LUZP2: variants seen among roughly 807,000 people sequenced by gnomAD.
The protein encoded by LUZP2 is leucine zipper protein 2.
LUZP2 carries 52 observed loss-of-function variants against 51.6 expected under a neutral mutation model. That is an observed-to-expected ratio of 1.01 (90% CI 0.81 to 1.27). The LOEUF (loss-of-function observed/expected upper bound fraction) is 1.27. Among genes scored for constraint, LUZP2 ranks in the 50% most tolerant of loss-of-function variants. The pLI is 0.00. For synonymous variants in LUZP2, 154 were observed against 137.3 expected, an observed-to-expected ratio of 1.12 and a Z score of -0.85; for missense variants, 436 against 395.4, an observed-to-expected ratio of 1.10 and a Z score of -0.87.
At chr11:24,546,654 T>C (rs1851553516) in intron 1 of LUZP2, among the ~76,000 whole-genome samples, 1 of 152,058 alleles carries the variant, frequency 6.6e-6, no homozygotes, top group African/African-American at 2.4e-5. Context: ...GCTTTTGATA[T>C]GTTGCTGGAT....
At chr11:25,069,484 T>C (rs947573683) in intron 10 of LUZP2, among the ~76,000 whole-genome samples, 1 of 151,910 alleles carries the variant, frequency 6.6e-6, no homozygotes, top group African/African-American at 2.4e-5. Context: ...TTTTCAATTT[T>C]CAAACCCCAG....
chr11:25,036,552 G>T (rs1857868780), intron 9 of LUZP2, among the ~76,000 whole-genome samples: 1 of 151,386 alleles, frequency 6.6e-6, no homozygotes, highest in Non-Finnish European at 1.5e-5. Flanking sequence ...ATTCCTTTAG[G>T]TGCAAAGTTA....
chr11:24,812,473 A>G (rs1850050417), intron 5 of LUZP2, among the ~76,000 whole-genome samples: 1 of 152,220 alleles, frequency 6.6e-6, no homozygotes, highest in Non-Finnish European at 1.5e-5. Context: ...TGCTGTACAC[A>G]TAAAGAACTG....
At chr11:24,997,071 A>G (rs1856525412) in intron 9 of LUZP2, among the ~76,000 whole-genome samples, 3 of 150,400 alleles carry the variant, frequency 2.0e-5, no homozygotes, top group South Asian at 2.2e-4. Flanking sequence ...TAGTGCCACA[A>G]TAAACATACG....
chr11:24,677,182 T>C (rs1332970061), intron 1 of LUZP2, among the ~76,000 whole-genome samples: 1 of 152,228 alleles, frequency 6.6e-6, no homozygotes, highest in East Asian at 1.9e-4. Context: ...CCTGGCACTA[T>C]TGTAACAGCC....
At chr11:24,924,054 C>A (rs1024753528) in intron 7 of LUZP2, among the ~76,000 whole-genome samples, 8 of 151,798 alleles carry the variant, frequency 5.3e-5, no homozygotes, top group African/African-American at 1.9e-4. Context: ...GCTTGCCCCC[C>A]CACACCCAGC....
At chr11:24,705,071 G>A (rs995823032) in intron 1 of LUZP2, among the ~76,000 whole-genome samples, 6 of 151,942 alleles carry the variant, frequency 3.9e-5, no homozygotes, top group South Asian at 2.1e-4. Flanking sequence ...AGACTCTTTT[G>A]GGGTATTTTT....
At chr11:24,620,188 G>A (rs1268640258) in intron 1 of LUZP2, among the ~76,000 whole-genome samples, 1 of 152,094 alleles carries the variant, frequency 6.6e-6, no homozygotes, top group Admixed American at 6.6e-5. Flanking sequence ...AATTTTTTAA[G>A]ATGAGAATTT....
At chr11:25,028,893 A>T (rs1565251297) in intron 9 of LUZP2, among the ~76,000 whole-genome samples, 1 of 152,194 alleles carries the variant, frequency 6.6e-6, no homozygotes, top group Non-Finnish European at 1.5e-5. Context: ...ATTTGGAAAC[A>T]AACTATACTA....
chr11:24,774,362 C>CTCTCTCTCTCTCTCTCTA lies in LUZP2; in HGVS notation c.396+11055_396+11056insCTCTCTCTCTCTCTCTAT, dbSNP rs776739280. ...TCTCTCTCTCTCTCTCTCTCTCTCT[C>CTCTCTCTCTCTCTCTCTA]TATATATATATATATATATACATAC... On this transcript the variant is annotated intron_variant, in intron 5 of 11. Transcript: ENST00000336930. Among the ~76,000 whole-genome samples, 201 of 76,280 alleles carry CTCTCTCTCTCTCTCTCTA rather than the reference C, an allele frequency of 2.6e-3. 2 individuals carry two copies. The highest frequency in any genetic ancestry group is 6.6e-3 in the South Asian group (14 of 2,120). 50.0% of individuals were successfully genotyped at this position (76,280 alleles called of 152,430 possible). A position where few individuals can be genotyped will look rare whatever the true frequency, so the allele number is the denominator to read the frequency against.
chr11:24,857,461 T>TG (rs1851605747), intron 5 of LUZP2, among the ~76,000 whole-genome samples: 1 of 151,738 alleles, frequency 6.6e-6, no homozygotes, highest in Admixed American at 6.6e-5. Flanking sequence ...AATTTAATTC[T>TG]GTATAAATTC....
At chr11:24,935,475 A>G (rs1050455200) in intron 7 of LUZP2, among the ~76,000 whole-genome samples, 3 of 152,210 alleles carry the variant, frequency 2.0e-5, no homozygotes, top group Non-Finnish European at 2.9e-5. Context: ...AGTACAACAC[A>G]TAATTCTGAT....
intron 1 of LUZP2, among the ~76,000 whole-genome samples, chr11:24,497,958 A>G (rs1049908073): frequency 1.3e-5 from 2 of 152,226 alleles, no homozygotes; most frequent in African/African-American, 2.4e-5. Flanking sequence ...GTCAGAAACA[A>G]TTAAGTACTG....
chr11:24,988,030 T>C (rs1199735087), intron 9 of LUZP2, among the ~76,000 whole-genome samples: 1 of 152,010 alleles, frequency 6.6e-6, no homozygotes, highest in Non-Finnish European at 1.5e-5. Flanking sequence ...AGTAAGATCC[T>C]TATTTTAGAA....
chr11:24,759,154 G>T (rs1449443151), intron 4 of LUZP2, among the ~76,000 whole-genome samples: 1 of 152,042 alleles, frequency 6.6e-6, no homozygotes, highest in Non-Finnish European at 1.5e-5. Context: ...AATGATTATT[G>T]AATGCATTTC....
At chr11:24,693,759 G>A (rs4500487) in intron 1 of LUZP2, among the ~76,000 whole-genome samples, 33,744 of 151,816 alleles carry the variant, frequency 0.22, 3,789 homozygotes, top group East Asian at 0.32. Flanking sequence ...CATTATGCCT[G>A]TAAAATGGGA....
intron 1 of LUZP2, among the ~76,000 whole-genome samples, chr11:24,565,652 AT>A (rs1590186570): frequency 6.6e-6 from 1 of 152,188 alleles, no homozygotes; most frequent in Admixed American, 6.5e-5. Flanking sequence ...ATATTTTTAA[AT>A]GACCAAACTG....
At chr11:24,958,555 T>G (rs1185527137) in intron 7 of LUZP2, among the ~76,000 whole-genome samples, 3 of 152,140 alleles carry the variant, frequency 2.0e-5, no homozygotes, top group Admixed American at 1.3e-4. Context: ...TGTCTTCTTT[T>G]GAGAAGTGTC....
At chr11:24,506,815 C>T (rs1850159108) in intron 1 of LUZP2, among the ~76,000 whole-genome samples, 2 of 152,006 alleles carry the variant, frequency 1.3e-5, no homozygotes, top group African/African-American at 4.8e-5. Context: ...TAAAAATTGG[C>T]CAGACCCTAG....
Sources: allele counts gnomAD v4.1 joint callset (sites outside exome capture counted in the v4.1 genomes callset), GRCh38; gene constraint gnomAD v4.1.1; transcripts MANE v1.5; gene names NCBI Gene and HGNC (gene_info 2026-07-23, HGNC 2026-07-21).